MAF: variants seen among roughly 807,000 people sequenced by gnomAD.
MAF encodes the protein MAF bZIP transcription factor.
A neutral mutation model predicts 22.0 loss-of-function variants in MAF; 10 were observed. That is an observed-to-expected ratio of 0.45 (90% CI 0.28 to 0.77). The LOEUF is 0.77. Among genes scored for constraint, MAF ranks in the 30% least tolerant of loss-of-function variants. The pLI is 0.12. For synonymous variants in MAF, 337 were observed against 255.8 expected, an observed-to-expected ratio of 1.32 and a Z score of -3.03; for missense variants, 544 against 548.4, an observed-to-expected ratio of 0.99 and a Z score of 0.08.
chr16:79,248,037 T>A, the MAF span, among the ~76,000 whole-genome samples: 420 of 152,292 alleles, frequency 2.8e-3, 9 homozygotes, highest in Admixed American at 0.021. Context: ...TCCTAACACA[T>A]AACAGTCTTT....
At chr16:79,211,074 A>G in the MAF span, among the ~76,000 whole-genome samples, 2 of 133,542 alleles carry the variant, frequency 1.5e-5, no homozygotes, top group Non-Finnish European at 3.5e-5. Context: ...ATGTTTTAAC[A>G]CAACATTGCC....
the MAF span, among the ~76,000 whole-genome samples, chr16:79,215,185 C>T: frequency 2.0e-5 from 3 of 152,170 alleles, no homozygotes; most frequent in African/African-American, 7.2e-5. Flanking sequence ...ATGCAGATTG[C>T]CTGCACCAGT....
chr16:79,437,154 G>GTT, the MAF span, among the ~76,000 whole-genome samples: 2 of 29,304 alleles, frequency 6.8e-5, no homozygotes, highest in Non-Finnish European at 2.0e-4. Context: ...CTCTGTGTGT[G>GTT]TGTGTGTGTG....
At chr16:79,583,184 G>T (rs1367983828), downstream of MAF, among the ~76,000 whole-genome samples, 3 of 152,186 alleles carry the variant, frequency 2.0e-5, no homozygotes, top group Non-Finnish European at 4.4e-5. Flanking sequence ...CAGAAGGACA[G>T]GCGTGCAAGA....
At chr16:79,301,504 G>A in the MAF span, among the ~76,000 whole-genome samples, 1 of 152,108 alleles carries the variant, frequency 6.6e-6, no homozygotes, top group Non-Finnish European at 1.5e-5. Context: ...CCTGACTCTT[G>A]GATAGGACGC....
the MAF span, among the ~76,000 whole-genome samples, chr16:79,555,569 T>A: frequency 1.3e-5 from 2 of 152,180 alleles, no homozygotes; most frequent in African/African-American, 4.8e-5. Context: ...ACCACACTAA[T>A]ACAGGTCGGG....
chr16:79,261,750 C>T, the MAF span, among the ~76,000 whole-genome samples: 1 of 152,158 alleles, frequency 6.6e-6, no homozygotes. Context: ...GTTCCTGCAG[C>T]AGATGGGAAA....
downstream of MAF, among the ~76,000 whole-genome samples, chr16:79,582,055 G>C (rs1226040929): frequency 6.6e-6 from 1 of 152,056 alleles, no homozygotes; most frequent in Non-Finnish European, 1.5e-5. Flanking sequence ...TCTTACTGTT[G>C]TCCTGCCATT....
the MAF span, among the ~76,000 whole-genome samples, chr16:79,207,917 G>T: frequency 6.6e-6 from 1 of 152,054 alleles, no homozygotes; most frequent in African/African-American, 2.4e-5. Context: ...AATGAATGTT[G>T]ATGAAAAGCA....
At chr16:79,385,591 A>G in the MAF span, among the ~76,000 whole-genome samples, 1 of 152,204 alleles carries the variant, frequency 6.6e-6, no homozygotes, top group Non-Finnish European at 1.5e-5. Flanking sequence ...TTGGTTTTTA[A>G]AAGTTTGTTA....
At chr16:79,515,131 T>A in the MAF span, among the ~76,000 whole-genome samples, 1 of 152,194 alleles carries the variant, frequency 6.6e-6, no homozygotes, top group Non-Finnish European at 1.5e-5. Context: ...ACAGGTAACA[T>A]TATGGCCTGA....
the MAF span, among the ~76,000 whole-genome samples, chr16:79,356,187 C>T: frequency 6.6e-6 from 1 of 152,146 alleles, no homozygotes; most frequent in East Asian, 1.9e-4. Context: ...CATGTGCACA[C>T]ACACACACAC....
the MAF span, among the ~76,000 whole-genome samples, chr16:79,549,778 G>C: frequency 6.6e-6 from 1 of 152,230 alleles, no homozygotes; most frequent in African/African-American, 2.4e-5. Flanking sequence ...CTAACCCAGA[G>C]AGTTAAAGAC....
At chr16:79,470,391 G>T in the MAF span, among the ~76,000 whole-genome samples, 16,152 of 152,120 alleles carry the variant, frequency 0.11, 1,531 homozygotes, top group East Asian at 0.47. Flanking sequence ...GGGCCCAGGG[G>T]ACCAGGATGG....
chr16:79,319,556 C>T, the MAF span, among the ~76,000 whole-genome samples: 88,734 of 152,100 alleles, frequency 0.58, 28,114 homozygotes, highest in South Asian at 0.73. Context: ...ACAGATCTGA[C>T]GTAGGTGGAA....
the MAF span, among the ~76,000 whole-genome samples, chr16:79,289,858 T>TC: frequency 1.2e-5 from 1 of 84,278 alleles, no homozygotes; most frequent in South Asian, 3.4e-4. Flanking sequence ...TTGTGTATTT[T>TC]TTTTTTTTTT....
the MAF span, among the ~76,000 whole-genome samples, chr16:79,579,725 T>G: frequency 6.6e-6 from 1 of 152,190 alleles, no homozygotes; most frequent in Non-Finnish European, 1.5e-5. Context: ...CCTGACAAAT[T>G]CACAATGAAA....
chr16:79,590,512 A>G (rs1913131459), downstream of MAF, among the ~76,000 whole-genome samples: 1 of 152,116 alleles, frequency 6.6e-6, no homozygotes, highest in South Asian at 2.1e-4. Flanking sequence ...ATGGCCCTGG[A>G]TGACCAGGCA....
chr16:79,210,298 C>G, the MAF span, among the ~76,000 whole-genome samples: 2 of 152,306 alleles, frequency 1.3e-5, no homozygotes, highest in African/African-American at 2.4e-5. Flanking sequence ...CGTCGTAACA[C>G]CTTCCTTGGG....
Sources: allele counts gnomAD v4.1 joint callset (sites outside exome capture counted in the v4.1 genomes callset), GRCh38; gene constraint gnomAD v4.1.1; transcripts MANE v1.5; gene names NCBI Gene and HGNC (gene_info 2026-07-23, HGNC 2026-07-21).